Variants in DRAM2 observed in about 807,000 individuals in gnomAD.
The protein encoded by DRAM2 is DNA damage-regulated autophagy modulator protein 2.
Under a neutral mutation model 33.5 loss-of-function variants are expected in DRAM2, and 26 were observed. The observed-to-expected ratio is 0.78, with a 90% CI of 0.57 to 1.08. The LOEUF (loss-of-function observed/expected upper bound fraction) is 1.08. Ranked by LOEUF, DRAM2 falls within the 50% of genes least tolerant of loss-of-function variation. The pLI is 0.00. For synonymous variants in DRAM2, 98 were observed against 109.5 expected, an observed-to-expected ratio of 0.89 and a Z score of 0.66; for missense variants, 311 against 318.1, an observed-to-expected ratio of 0.98 and a Z score of 0.17.
chr1:111,123,596 C>A (rs1312501215), intron 6 of DRAM2, among the ~76,000 whole-genome samples: 2 of 152,142 alleles, frequency 1.3e-5, no homozygotes, highest in African/African-American at 4.8e-5. Flanking sequence ...CACCAAGAAT[C>A]CTATTAGGTC....
At chr1:111,135,721 G>A (rs1318708901) in intron 3 of DRAM2, among the ~76,000 whole-genome samples, 2 of 152,084 alleles carry the variant, frequency 1.3e-5, no homozygotes, top group Non-Finnish European at 2.9e-5. Context: ...CTTTCTCTGA[G>A]AACACTTGAC....
At chr1:111,120,330 C>T (rs325919) in intron 7 of DRAM2, among the ~76,000 whole-genome samples, 186 bp downstream of exon 7, 36,573 of 133,134 alleles carry the variant, frequency 0.27, 5,684 homozygotes, top group African/African-American at 0.45. Flanking sequence ...AATCTGAATT[C>T]CATATTTCAA....
intron 2 of DRAM2, among the ~76,000 whole-genome samples, chr1:111,138,620 C>T (rs1227117079): frequency 6.6e-6 from 1 of 152,160 alleles, no homozygotes; most frequent in Non-Finnish European, 1.5e-5. Context: ...CCTGTCTCTA[C>T]TAAAAATACA....
chr1:111,135,567 A>G (rs910974723), intron 3 of DRAM2, among the ~76,000 whole-genome samples: 11 of 152,340 alleles, frequency 7.2e-5, no homozygotes, highest in Middle Eastern at 3.4e-3. Context: ...AGATTTTCAA[A>G]TATTTTGTCC....
chr1:111,137,826 C>T (rs987871668), intron 2 of DRAM2, among the ~76,000 whole-genome samples: 3 of 152,154 alleles, frequency 2.0e-5, no homozygotes, highest in Admixed American at 6.5e-5. Flanking sequence ...ATTCTCACAT[C>T]CAACACCTTC....
intron 4 of DRAM2, among the ~76,000 whole-genome samples, chr1:111,126,622 C>G (rs1359931187): frequency 6.8e-6 from 1 of 147,976 alleles, no homozygotes. Flanking sequence ...ATCTGTCCCA[C>G]CAGAATATTC....
chr1:111,127,359 C>A (rs191476282), intron 4 of DRAM2, among the ~76,000 whole-genome samples: 1 of 151,722 alleles, frequency 6.6e-6, no homozygotes, highest in African/African-American at 2.4e-5. Flanking sequence ...GAATCCATAA[C>A]ATATAGTAAA....
At chr1:111,131,368 TTAAAA>T (rs1652033390) in intron 4 of DRAM2, 51 bp downstream of exon 4, 4 of 1,504,094 alleles carry the variant, frequency 2.7e-6, no homozygotes, top group Non-Finnish European at 3.6e-6. Flanking sequence ...GACTTCAATG[TTAAAA>T]TAAGAATGAG....
intron 3 of DRAM2, among the ~76,000 whole-genome samples, chr1:111,132,679 CCTCT>C (rs1467572968): frequency 1.0e-4 from 14 of 136,770 alleles, no homozygotes; most frequent in African/African-American, 3.9e-4. Context: ...GGTTTTTCTT[CCTCT>C]TTTTTTTTTT....
rs189804703 is a variant in DRAM2, at chr1:111,128,569, G to A, written c.132-2275C>T. Among the ~76,000 whole-genome samples the A allele has an allele frequency of 1.1e-4, 17 of 152,280 alleles. No homozygotes were observed. In the East Asian group the frequency reaches 1.7e-3, roughly 16 times the overall value. On this transcript the variant is annotated intron_variant, in intron 4 of 9. Coordinates refer to ENST00000484310, the MANE Select transcript of DRAM2 (RefSeq NM_001349884.2). ...GATAACAAAACCTGGGGATGCCCAA[G>A]TCTCTTAACATAAAATGGTGTAGTA...
intron 2 of DRAM2, among the ~76,000 whole-genome samples, 182 bp from the exon 3 acceptor site, chr1:111,137,768 TC>T (rs1653543527): frequency 7.0e-6 from 1 of 143,304 alleles, no homozygotes; most frequent in South Asian, 2.5e-4. Flanking sequence ...TGTTGTACCA[TC>T]TGGAATTAAA....
At chr1:111,137,409 T>C (rs962789918) in intron 3 of DRAM2, 114 bp downstream of exon 3, 49 of 152,182 alleles carry the variant, frequency 3.2e-4, no homozygotes, top group African/African-American at 1.2e-3. Context: ...ATCTGTTAAA[T>C]AGTATAAAAT....
intron 4 of DRAM2, 108 bp downstream of exon 4, chr1:111,131,316 C>A: frequency 1.7e-6 from 2 of 1,211,904 alleles, no homozygotes; most frequent in Non-Finnish European, 2.3e-6. Context: ...TGTTGTAATG[C>A]CAATGTAAAA....
At chr1:111,136,538 T>C (rs1434010921) in intron 3 of DRAM2, among the ~76,000 whole-genome samples, 1 of 151,960 alleles carries the variant, frequency 6.6e-6, no homozygotes, top group Non-Finnish European at 1.5e-5. Flanking sequence ...TGAGCTGAGA[T>C]TGTGCCACTG....
At chr1:111,123,826 T>C (rs907059927) in intron 6 of DRAM2, among the ~76,000 whole-genome samples, 1 of 152,014 alleles carries the variant, frequency 6.6e-6, no homozygotes, top group African/African-American at 2.4e-5. Context: ...CCCCCTTGCT[T>C]CCTCCCTTGC....
intron 4 of DRAM2, among the ~76,000 whole-genome samples, chr1:111,128,803 A>C (rs1270298566): frequency 1.3e-5 from 2 of 152,162 alleles, no homozygotes; most frequent in Admixed American, 6.5e-5. Flanking sequence ...ACCCATGAAT[A>C]TAGGGGGCTG....
At chr1:111,132,009 C>T (rs935331188) in intron 3 of DRAM2, among the ~76,000 whole-genome samples, 14 of 152,144 alleles carry the variant, frequency 9.2e-5, no homozygotes, top group Admixed American at 8.5e-4. Flanking sequence ...TTGGAATCTC[C>T]AGGGTAATAG....
chr1:111,121,327 T>A (rs1650009037), intron 6 of DRAM2, among the ~76,000 whole-genome samples: 1 of 152,084 alleles, frequency 6.6e-6, no homozygotes, highest in Non-Finnish European at 1.5e-5. Context: ...GGATTACTGG[T>A]AATCACCAGA....
chr1:111,120,002 A>C, intron 7 of DRAM2, 43 bp from the exon 8 acceptor site: 18 of 1,519,184 alleles, frequency 1.2e-5, no homozygotes, highest in Non-Finnish European at 1.6e-5. Context: ...AGACGATCTC[A>C]GAGAACAAAA....
Sources: allele counts gnomAD v4.1 joint callset (sites outside exome capture counted in the v4.1 genomes callset), GRCh38; gene constraint gnomAD v4.1.1; transcripts MANE v1.5; gene names NCBI Gene and HGNC (gene_info 2026-07-23, HGNC 2026-07-21).